PSMD1: variants seen among roughly 807,000 people sequenced by gnomAD.
The protein encoded by PSMD1 is 26S proteasome non-ATPase regulatory subunit 1.
In PSMD1, 18 loss-of-function variants were observed where a neutral mutation model predicts 119.0. The ratio of observed to expected loss-of-function variants is 0.15; its 90% confidence interval spans 0.10 to 0.22. PSMD1 has a LOEUF of 0.22. Ranked by LOEUF, PSMD1 falls within the 10% of genes least tolerant of loss-of-function variation. PSMD1 has a pLI of 1.00. For missense variants in PSMD1, 702 were observed against 1,158.5 expected (o/e 0.61, Z 5.72); for synonymous variants, 374 against 396.6 (o/e 0.94, Z 0.68).
chr2:231,150,328 C>G (rs763799088), intron 18 of PSMD1, among the ~76,000 whole-genome samples: 1 of 149,718 alleles, frequency 6.7e-6, no homozygotes, highest in Non-Finnish European at 1.5e-5. Flanking sequence ...GCTTGGGCGA[C>G]ACAGTGAGGC....
At chr2:231,102,110 A>G (rs1445558533) in intron 16 of PSMD1, among the ~76,000 whole-genome samples, 1 of 152,056 alleles carries the variant, frequency 6.6e-6, no homozygotes, top group East Asian at 1.9e-4. Flanking sequence ...TGAGCCACCC[A>G]TTGGGTCTGG....
chr2:231,062,528 G>T lies in PSMD1; in HGVS notation c.157G>T (p.Gly53Cys), dbSNP rs530750149. 1.1e-5 allele frequency: 17 copies of T among 1,600,578 alleles called. No individual in the cohort carries two copies. Among genetic ancestry groups the T allele is most frequent in the Non-Finnish European group, 1.4e-5 (17 of 1,175,654 alleles). ...CAGAGAGGTTTTATACGAAGATGAA[G>T]GTTTCCGGAGTCGGCAGTTTGCAGC... ...DKIEVLYEDE[G>C]FRSRQFAALV... Residue 53 changes from glycine to cysteine, a missense_variant, in exon 4 of 25, where the codon GGT becomes TGT. Physicochemically the swap from Gly to Cys is radical, Grantham distance 159 (BLOSUM62 -3). Around this residue, in one of 9 missense-constraint regions of PSMD1, gnomAD observed 60 missense variants for 118.2 expected, o/e 0.51. Coordinates refer to ENST00000308696, the MANE Select transcript of PSMD1 (RefSeq NM_002807.4).
At chr2:231,069,802 A>C (rs1042141484) in intron 5 of PSMD1, among the ~76,000 whole-genome samples, 2 of 152,210 alleles carry the variant, frequency 1.3e-5, no homozygotes, top group Non-Finnish European at 2.9e-5. Context: ...GTACCACTAA[A>C]TATTATTTTT....
At chr2:231,154,517 G>T (rs1696443116) in intron 19 of PSMD1, among the ~76,000 whole-genome samples, 2 of 152,170 alleles carry the variant, frequency 1.3e-5, no homozygotes, top group Non-Finnish European at 2.9e-5. Context: ...ACCCAAGCCG[G>T]AGTGCAGTGG....
At chr2:231,075,938 C>T (rs114827708) in intron 8 of PSMD1, among the ~76,000 whole-genome samples, 1 of 152,114 alleles carries the variant, frequency 6.6e-6, no homozygotes, top group African/African-American at 2.4e-5. Context: ...ATAAATATTT[C>T]CACAGGATAT....
At chr2:231,126,404 G>T (rs1037562769) in intron 16 of PSMD1, among the ~76,000 whole-genome samples, 1 of 151,868 alleles carries the variant, frequency 6.6e-6, no homozygotes, top group Non-Finnish European at 1.5e-5. Context: ...ACACCACTGC[G>T]CTCCAGCTTG....
intron 16 of PSMD1, among the ~76,000 whole-genome samples, chr2:231,106,929 A>G (rs904415760): frequency 1.3e-5 from 2 of 152,212 alleles, no homozygotes; most frequent in Non-Finnish European, 2.9e-5. Context: ...ATCTCAACAT[A>G]CCTTGGCAAG....
Position 231,057,022 on chromosome 2 carries a change from A to C in PSMD1, c.-4A>C, listed in dbSNP as rs1021252923. The C allele has an allele frequency of 6.5e-7, 1 of 1,537,030 alleles. No individual in the cohort carries two copies. Among genetic ancestry groups the C allele is most frequent in the Non-Finnish European group, 8.7e-7 (1 of 1,143,204 alleles). ...GAGCCGACGGGCGAGTGAGGGGCGCAGCCATGATCACCTCGGCCGGTGAGT... is the reference window on the plus strand; with the variant it reads ...GAGCCGACGGGCGAGTGAGGGGCGCCGCCATGATCACCTCGGCCGGTGAGT... On this transcript the variant is annotated 5_prime_UTR_variant, in exon 1 of 25. Transcript: ENST00000308696.
At chr2:231,103,280 T>A (rs1269912789) in intron 16 of PSMD1, among the ~76,000 whole-genome samples, 3 of 152,250 alleles carry the variant, frequency 2.0e-5, no homozygotes, top group Non-Finnish European at 4.4e-5. Flanking sequence ...GTCTTCACTG[T>A]GTTATCCTCT....
chr2:231,156,168 T>C (rs1402932187), intron 19 of PSMD1, among the ~76,000 whole-genome samples: 3 of 152,194 alleles, frequency 2.0e-5, no homozygotes, highest in Non-Finnish European at 2.9e-5. Flanking sequence ...GGCTGGATTT[T>C]ATCAGTAATT....
At chr2:231,172,366 G>A (rs949733786) in intron 24 of PSMD1, among the ~76,000 whole-genome samples, 169 bp from the exon 25 acceptor site, 3 of 152,326 alleles carry the variant, frequency 2.0e-5, no homozygotes, top group South Asian at 4.1e-4. Context: ...AGTCCATTAG[G>A]AGTTTGGAAA....
At chr2:231,061,877 C>T (rs1273624488) in intron 2 of PSMD1, among the ~76,000 whole-genome samples, 4 of 152,296 alleles carry the variant, frequency 2.6e-5, no homozygotes, top group South Asian at 2.1e-4. Context: ...CCGCTTCCCC[C>T]GCCCCAGTTT....
Position 231,083,133 on chromosome 2 carries a change from A to G in PSMD1, c.1525+139A>G, listed in dbSNP as rs566357054. The G allele has an allele frequency of 4.6e-4, 326 of 715,878 alleles. 1 individual carries two copies. Among genetic ancestry groups the G allele is most frequent in the South Asian group, 3.8e-3 (194 of 50,394 alleles). 44.3% of individuals were successfully genotyped at this position (715,878 alleles called of 1,614,324 possible). A position where few individuals can be genotyped will look rare whatever the true frequency, so the allele number is the denominator to read the frequency against. The stretch of plus-strand genomic sequence containing the variant: ...TTGAAGAGGAAGTGAATTTTGCTCC[A>G]TTTGTCAAAGTTATCTTTTAAAACA... On this transcript the variant is annotated intron_variant, in intron 13 of 24. Transcript: ENST00000308696.
In PSMD1 at chr2:231,066,276, T is replaced by C. The variant is rs983283792; in HGVS notation, c.305-630T>C. On this transcript the variant is annotated intron_variant, in intron 4 of 24. Coordinates refer to ENST00000308696, the MANE Select transcript of PSMD1 (RefSeq NM_002807.4). ...ACTGCCTTTTAAACTTGTGGCACAT[T>C]TCAAGTCATTTCCCCATTACCCTAC... Among the ~76,000 whole-genome samples the C allele has an allele frequency of 2.6e-5, 4 of 152,362 alleles. No individual in the cohort carries two copies. In the South Asian group the frequency reaches 6.2e-4, roughly 24 times the overall value.
rs377693091 is a variant in PSMD1, at chr2:231,163,667, A to G, written c.2421A>G (p.Lys807=). The part of the protein sequence containing the change: ...MPKVQYKSNC[K]PSTFAYPAPL... ...AAGTTCAGTATAAATCGAACTGTAA[A>G]CCATCCACATTTGCATATCCTGCCC... Residue 807 remains lysine (K), a synonymous_variant, in exon 21 of 25, where the codon AAA becomes AAG. Coordinates refer to ENST00000308696, the MANE Select transcript of PSMD1 (RefSeq NM_002807.4). The G allele has an allele frequency of 3.3e-5, 54 of 1,613,262 alleles. No homozygotes were observed. The African/African-American group carries it at 6.0e-4, about 18-fold the overall frequency.
intron 16 of PSMD1, among the ~76,000 whole-genome samples, chr2:231,093,782 A>C (rs1409831286): frequency 6.6e-6 from 1 of 151,286 alleles, no homozygotes; most frequent in Non-Finnish European, 1.5e-5. Context: ...TGTTTTTTTG[A>C]GCATATTTTT....
intron 16 of PSMD1, among the ~76,000 whole-genome samples, chr2:231,106,419 AC>A (rs1413221511): frequency 6.6e-6 from 1 of 152,122 alleles, no homozygotes; most frequent in Admixed American, 6.5e-5. Flanking sequence ...AGGAGTGGAG[AC>A]CAGGCTGACC....
Position 231,170,579 on chromosome 2 carries a change from G to A in PSMD1, c.2729G>A (p.Gly910Asp). The A allele has an allele frequency of 6.2e-7, 1 of 1,613,338 alleles. No individual in the cohort carries two copies. The highest frequency in any genetic ancestry group is 8.5e-7 in the Non-Finnish European group (1 of 1,179,764). ...YQPFKPLSIG[G>D]IIILKDTSED... is the part of the protein sequence containing the mutation. ...CTGTGTTTCCAGCTCTCTATTGGAGGCATCATCATTCTGAAGGATACCAGT... is the reference window on the plus strand; with the variant it reads ...CTGTGTTTCCAGCTCTCTATTGGAGACATCATCATTCTGAAGGATACCAGT... Residue 910 changes from glycine to aspartate, a missense_variant, in exon 24 of 25, where the codon GGC (glycine) becomes GAC (aspartate). Coordinates refer to ENST00000308696, the MANE Select transcript of PSMD1 (RefSeq NM_002807.4). This position sits in a 1 kb window ranked among gnomAD's most constrained non-coding sequence, Gnocchi z 4.1.
intron 16 of PSMD1, chr2:231,123,804 G>A (rs750697085): frequency 2.1e-6 from 3 of 1,443,502 alleles, no homozygotes; most frequent in Non-Finnish European, 2.9e-6. Flanking sequence ...CCGAACAGTG[G>A]TCAGCATGGT....
Sources: gnomAD v4.1 joint callset for allele counts (sites outside exome capture counted in the v4.1 genomes callset) on GRCh38, gnomAD v4.1.1 for gene constraint, gnomAD v4.1.1 regional missense constraint, Gnocchi (gnomAD v3.1) non-coding constraint, MANE v1.5 for transcripts, NCBI Gene and HGNC (gene_info 2026-07-23, HGNC 2026-07-21) for gene names.